NINL: variants seen among roughly 807,000 people sequenced by gnomAD.
NINL encodes the protein ninein like, also known as ninein-like protein.
NINL carries 153 observed loss-of-function variants against 160.3 expected under a neutral mutation model. That is an observed-to-expected ratio of 0.95 (90% CI 0.84 to 1.09). NINL has a LOEUF of 1.09. Ranked by LOEUF, NINL falls within the 50% of genes least tolerant of loss-of-function variation. NINL has a pLI of 0.00. For synonymous variants in NINL, 800 were observed against 734.8 expected (o/e 1.09, Z -1.43); for missense variants, 1,829 against 1,764.0 (o/e 1.04, Z -0.66).
chr20:25,462,294 C>A, intron 20 of NINL, 89 bp downstream of exon 20: 1 of 1,279,590 alleles, frequency 7.8e-7, no homozygotes, highest in East Asian at 2.4e-5. Context: ...CTCCAGGCTC[C>A]TCAGCGCGTG....
chr20:25,476,253 C>G lies in NINL; in HGVS notation c.3038G>C (p.Ser1013Thr). 6.2e-7 allele frequency: 1 copy of G among 1,613,964 alleles called. No individual in the cohort carries two copies. The highest frequency in any genetic ancestry group is 8.5e-7 in the Non-Finnish European group (1 of 1,179,986). The change falls in exon 17 of 24, where the codon AGT (serine) becomes ACT (threonine). Residue 1013 changes from serine to threonine, a missense_variant. Transcript: ENST00000278886. ...GGACCCTCTCCTGGCAACCTCCACA[C>G]TGTGCTTGTGACACCCAGGCTCCAG... ...GALEPGCHKHSVEVARRGSLP... is the reference protein window; with the variant it reads ...GALEPGCHKHTVEVARRGSLP...
intron 20 of NINL, among the ~76,000 whole-genome samples, chr20:25,462,013 A>G (rs2062801332): frequency 6.6e-6 from 1 of 152,206 alleles, no homozygotes; most frequent in Non-Finnish European, 1.5e-5. Flanking sequence ...TTGCTATTAT[A>G]AACAGCACAG....
At chr20:25,490,286 C>G (rs1314812167) in intron 11 of NINL, among the ~76,000 whole-genome samples, 1 of 152,194 alleles carries the variant, frequency 6.6e-6, no homozygotes, top group Admixed American at 6.5e-5. Context: ...GAGAGCCGGG[C>G]ACGGTGGCTC....
At position 25,476,895 on chromosome 20, in the gene NINL, C is replaced by T; in HGVS notation, c.2396G>A (p.Cys799Tyr). 6.2e-7 allele frequency: 1 copy of T among 1,613,266 alleles called. No homozygotes were observed. Reference sequence around the variant, plus strand: ...CTCCTCCTCGAGGGCCAACGATACGCACATCTGGGCGCGCTTCTCGCTCGC... The same window carrying T: ...CTCCTCCTCGAGGGCCAACGATACGTACATCTGGGCGCGCTTCTCGCTCGC... ...PCASEKRAQM[C>Y]VSLALEEEEL... Residue 799 changes from cysteine to tyrosine, a missense_variant, in exon 17 of 24, where the codon TGC (cysteine) becomes TAC (tyrosine). Coordinates refer to ENST00000278886, the MANE Select transcript of NINL (RefSeq NM_025176.6).
Position 25,549,023 on chromosome 20 carries a change from A to T in NINL, c.-11-22425T>A, listed in dbSNP as rs1163499570. On this transcript the variant is annotated intron_variant, in intron 1 of 23. Transcript: ENST00000278886. The stretch of plus-strand genomic sequence containing the variant: ...ACCCAGGGCTGACCCCAGTACCCAC[A>T]GCCACACCTCCCACACCCAGCCTCA... 2.0e-5 allele frequency among the ~76,000 whole-genome samples: 2 copies of T among 101,920 alleles called. 1 individual carries two copies. The allele number at this position is 101,920 out of a possible 152,430, so 66.9% of individuals were successfully genotyped here.
At position 25,467,302 on chromosome 20, in the gene NINL, A is replaced by C; in HGVS notation, c.3423+87T>G. 5.2e-6 allele frequency: 6 copies of C among 1,162,624 alleles called. No homozygotes were observed. In the South Asian group the frequency reaches 7.3e-5, roughly 14 times the overall value. 72.0% of individuals were successfully genotyped at this position (1,162,624 alleles called of 1,614,324 possible). ...CAAGTCTTTTAGAAGAATATTCTCT[A>C]CTTCCTTTTGTAAGTTTAAAATGAT... On this transcript the variant is annotated intron_variant, in intron 19 of 23. Transcript: ENST00000278886.
chr20:25,510,591 C>T, intron 5 of NINL, 83 bp downstream of exon 5: 1 of 1,206,106 alleles, frequency 8.3e-7, no homozygotes, highest in Non-Finnish European at 1.2e-6. Flanking sequence ...CTTGTGGTTG[C>T]ACACTGCCCA....
intron 1 of NINL, among the ~76,000 whole-genome samples, chr20:25,561,194 G>A (rs979097837): frequency 1.3e-5 from 2 of 152,186 alleles, no homozygotes; most frequent in Non-Finnish European, 2.9e-5. Context: ...GCGCCGCCAC[G>A]CCTGACGGGT....
At chr20:25,481,784 G>A (rs563051757) in intron 14 of NINL, 184 bp downstream of exon 14, 42 of 826,846 alleles carry the variant, frequency 5.1e-5, no homozygotes, top group East Asian at 2.9e-4. Context: ...GTGACCTTCC[G>A]TGTTGCAAGG....
intron 1 of NINL, among the ~76,000 whole-genome samples, chr20:25,580,189 T>C (rs1474535527): frequency 6.6e-6 from 1 of 151,910 alleles, no homozygotes; most frequent in East Asian, 1.9e-4. Context: ...CAAAAATTAG[T>C]TGGGCGTGGA....
intron 1 of NINL, among the ~76,000 whole-genome samples, chr20:25,532,205 C>T (rs2064476618): frequency 6.6e-6 from 1 of 152,226 alleles, no homozygotes; most frequent in Non-Finnish European, 1.5e-5. Flanking sequence ...GCTGGGCCTA[C>T]CAGTCCCTTC....
At chr20:25,562,105 C>A (rs1488622560) in intron 1 of NINL, among the ~76,000 whole-genome samples, 1 of 144,570 alleles carries the variant, frequency 6.9e-6, no homozygotes, top group Admixed American at 6.8e-5. Context: ...AGCCAGCCGC[C>A]CCGTCCGGGA....
intron 3 of NINL, among the ~76,000 whole-genome samples, chr20:25,515,669 G>A (rs1022430154): frequency 6.6e-6 from 1 of 152,166 alleles, no homozygotes; most frequent in Non-Finnish European, 1.5e-5. Flanking sequence ...GGGCCTGGTA[G>A]GAGGTGATTG....
chr20:25,455,469 A>G (rs2090645352), intron 23 of NINL, among the ~76,000 whole-genome samples: 1 of 152,232 alleles, frequency 6.6e-6, no homozygotes, highest in African/African-American at 2.4e-5. Context: ...TTCTGAGTGT[A>G]TGTGAACACC....
intron 5 of NINL, among the ~76,000 whole-genome samples, chr20:25,507,519 T>A (rs2063986667): frequency 6.6e-6 from 1 of 152,230 alleles, no homozygotes; most frequent in African/African-American, 2.4e-5. Flanking sequence ...CAGCCAGACA[T>A]GTTCCTCTAT....
chr20:25,575,407 ACTACAC>A (rs1366813716), intron 1 of NINL, among the ~76,000 whole-genome samples: 3 of 144,290 alleles, frequency 2.1e-5, no homozygotes, highest in East Asian at 2.0e-4. Context: ...AGATTGCGCC[ACTACAC>A]TCCAGCCTGG....
intron 16 of NINL, among the ~76,000 whole-genome samples, chr20:25,478,600 C>T (rs1246731380): frequency 2.0e-5 from 3 of 152,194 alleles, no homozygotes; most frequent in South Asian, 4.1e-4. Flanking sequence ...CCACATGCTA[C>T]CCTGCCTGGC....
At chr20:25,580,574 A>G (rs1185277714) in intron 1 of NINL, among the ~76,000 whole-genome samples, 3 of 152,182 alleles carry the variant, frequency 2.0e-5, no homozygotes, top group African/African-American at 4.8e-5. Context: ...CTGAAGTCCA[A>G]GGAAAGACAA....
intron 16 of NINL, 65 bp downstream of exon 16, chr20:25,478,858 A>G: frequency 6.8e-7 from 1 of 1,478,480 alleles, no homozygotes; most frequent in South Asian, 1.4e-5. Context: ...TCCTAAGTCT[A>G]ATTTCAAATT....
Sources: allele counts gnomAD v4.1 joint callset (sites outside exome capture counted in the v4.1 genomes callset), GRCh38; gene constraint gnomAD v4.1.1; transcripts MANE v1.5; gene names NCBI Gene and HGNC (gene_info 2026-07-23, HGNC 2026-07-21).